EML4: variants seen among roughly 807,000 people sequenced by gnomAD.
EML4 encodes the protein echinoderm microtubule-associated protein-like 4.
In EML4, 72 loss-of-function variants were observed where a neutral mutation model predicts 129.0. The ratio of observed to expected loss-of-function variants is 0.56; its 90% CI spans 0.46 to 0.68. EML4 has a LOEUF of 0.68. Ranked by LOEUF, EML4 falls within the 30% of genes least tolerant of loss-of-function variation. The pLI is 0.00. For missense variants in EML4, 1,363 were observed against 1,190.6 expected (o/e 1.14, Z -2.13); for synonymous variants, 532 against 405.0 (o/e 1.31, Z -3.77).
At chr2:42,248,221 C>G (rs1364664675) in intron 2 of EML4, among the ~76,000 whole-genome samples, 1 of 152,076 alleles carries the variant, frequency 6.6e-6, no homozygotes, top group Non-Finnish European at 1.5e-5. Context: ...AGTGATCTAC[C>G]TTGGTCTCCA....
At chr2:42,203,398 A>T (rs557626448) in intron 1 of EML4, among the ~76,000 whole-genome samples, 3 of 152,308 alleles carry the variant, frequency 2.0e-5, no homozygotes, top group African/African-American at 7.2e-5. Context: ...ATACTCTATG[A>T]TAGAGTTTTT....
chr2:42,292,257 C>G (rs1312083118), intron 11 of EML4, among the ~76,000 whole-genome samples: 1 of 152,196 alleles, frequency 6.6e-6, no homozygotes, highest in Non-Finnish European at 1.5e-5. Flanking sequence ...TAAAGTCGAA[C>G]ATATGCATGC....
intron 6 of EML4, among the ~76,000 whole-genome samples, chr2:42,277,216 A>C (rs1666703878): frequency 2.0e-5 from 3 of 152,234 alleles, no homozygotes; most frequent in Admixed American, 2.0e-4. Flanking sequence ...AAAGGATGAG[A>C]TATCTGCCTT....
rs747219775 is a variant in EML4, at chr2:42,286,394, T to C, written c.1122+15T>C. 21 of 1,479,488 alleles carry C rather than the reference T, an allele frequency of 1.4e-5. No individual in the cohort carries two copies. Among genetic ancestry groups the C allele is most frequent in the South Asian group, 9.0e-5 (8 of 88,426 alleles). The allele number at this position is 1,479,488 out of a possible 1,614,324, so 91.6% of individuals were successfully genotyped here. On this transcript the variant is annotated intron_variant, in intron 10 of 22. Transcript: ENST00000318522. ...TTTCAAAAGCAGTAAGTAACAATTTTTAGAGAAGTAAGCAAGCTGAACAAA... is the reference window on the plus strand; with the variant it reads ...TTTCAAAAGCAGTAAGTAACAATTTCTAGAGAAGTAAGCAAGCTGAACAAA...
rs778995895 is a variant in EML4 at position 42,301,367 on chromosome 2, A to T, written c.1616A>T (p.Asp539Val). Residue 539 changes from aspartate (D) to valine (V), a missense_variant, in exon 14 of 23, where the codon GAT becomes GTT. Physicochemically the swap from Asp to Val is radical, Grantham distance 152. Transcript: ENST00000318522. ...KDRKIILWDHDLNPEREIEVP... is the reference protein window; with the variant it reads ...KDRKIILWDHVLNPEREIEVP... Reference sequence around the variant, plus strand: ...AGAAAAATAATTCTGTGGGATCATGATCTGAATCCTGAAAGAGAAATAGAG... The same window carrying T: ...AGAAAAATAATTCTGTGGGATCATGTTCTGAATCCTGAAAGAGAAATAGAG... The T allele has an allele frequency of 2.7e-5, 44 of 1,612,420 alleles. No individual in the cohort carries two copies. The highest frequency in any genetic ancestry group is 3.6e-5 in the Non-Finnish European group (42 of 1,179,360).
chr2:42,264,115 T>G (rs1299141540), intron 5 of EML4, among the ~76,000 whole-genome samples: 2 of 143,522 alleles, frequency 1.4e-5, no homozygotes, highest in South Asian at 2.3e-4. Flanking sequence ...TTTTTTTTTT[T>G]TTTTTTTTTT....
chr2:42,325,357 C>T (rs2103826794), intron 19 of EML4, 110 bp from the exon 20 acceptor site: 2 of 605,002 alleles, frequency 3.3e-6, no homozygotes, highest in South Asian at 1.5e-5. Context: ...GCTTCCTCTC[C>T]TTTAGAAATT....
At position 42,325,602 on chromosome 2, in the gene EML4, T is replaced by TTATATA. The variant is rs10530482; in HGVS notation, c.2242+80_2242+85dup. 1.3e-3 allele frequency: 167 copies of TTATATA among 129,264 alleles called. 3 individuals are homozygous for TTATATA. The highest frequency in any genetic ancestry group is 2.8e-3 in the African/African-American group (97 of 34,112). The allele number at this position is 129,264 out of a possible 1,614,324, so 8.0% of individuals were successfully genotyped here. ...ATATATATATATGCTATGATTATAT[T>TTATATA]TATATATATATATATATATATATAT... On this transcript the variant is annotated intron_variant, in intron 20 of 22. Transcript: ENST00000318522.
chr2:42,304,586 G>T (rs1668487352), intron 17 of EML4, 35 bp downstream of exon 17: 1 of 1,501,314 alleles, frequency 6.7e-7, no homozygotes. Context: ...AATCTGAAGT[G>T]GTGGGATGTT....
chr2:42,201,129 C>A (rs1276300474), intron 1 of EML4, among the ~76,000 whole-genome samples: 1 of 152,162 alleles, frequency 6.6e-6, no homozygotes, highest in African/African-American at 2.4e-5. Flanking sequence ...TGCTAATTTT[C>A]AAAATGTTTT....
intron 11 of EML4, among the ~76,000 whole-genome samples, chr2:42,292,281 T>C (rs908378580): frequency 6.6e-6 from 1 of 152,212 alleles, no homozygotes; most frequent in Non-Finnish European, 1.5e-5. Flanking sequence ...CTGGCCCAAA[T>C]TGTTCATCTC....
chr2:42,274,047 A>G (rs1666520547), intron 6 of EML4, among the ~76,000 whole-genome samples: 1 of 152,200 alleles, frequency 6.6e-6, no homozygotes, highest in South Asian at 2.1e-4. Context: ...CTACTATAAA[A>G]TTACAGTAAA....
At chr2:42,302,470 A>C (rs796263002) in intron 14 of EML4, among the ~76,000 whole-genome samples, 26 of 152,232 alleles carry the variant, frequency 1.7e-4, no homozygotes, top group African/African-American at 5.8e-4. Context: ...AACTAATATA[A>C]CTAATAAGTA....
At chr2:42,198,344 A>T (rs889382106) in intron 1 of EML4, among the ~76,000 whole-genome samples, 1 of 152,172 alleles carries the variant, frequency 6.6e-6, no homozygotes, top group Non-Finnish European at 1.5e-5. Context: ...TAAAGAAAGT[A>T]ATAGGGGAGA....
At chr2:42,208,808 C>A (rs1174837389) in intron 1 of EML4, among the ~76,000 whole-genome samples, 2 of 118,070 alleles carry the variant, frequency 1.7e-5, no homozygotes, top group Non-Finnish European at 3.6e-5. Flanking sequence ...TTTTTTTTTT[C>A]AGACACAGAA....
chr2:42,279,489 GCT>G (rs1406842907), intron 6 of EML4, among the ~76,000 whole-genome samples: 3 of 146,642 alleles, frequency 2.0e-5, no homozygotes, highest in Non-Finnish European at 4.5e-5. Flanking sequence ...ACGCAGTCTT[GCT>G]CTGTCACCCA....
intron 1 of EML4, among the ~76,000 whole-genome samples, chr2:42,170,766 C>T (rs1389249375): frequency 1.3e-5 from 2 of 152,206 alleles, no homozygotes; most frequent in African/African-American, 2.4e-5. Context: ...TGTATTCAGA[C>T]GCCTTTCTTT....
At chr2:42,195,127 C>T (rs569076183) in intron 1 of EML4, among the ~76,000 whole-genome samples, 3 of 152,044 alleles carry the variant, frequency 2.0e-5, no homozygotes, top group Non-Finnish European at 2.9e-5. Context: ...CCTTCGGGAT[C>T]CAGTTAACTT....
At chr2:42,279,378 C>T (rs2104454343) in intron 6 of EML4, among the ~76,000 whole-genome samples, 1 of 151,882 alleles carries the variant, frequency 6.6e-6, no homozygotes, top group Non-Finnish European at 1.5e-5. Context: ...ATCCTGCTTT[C>T]CATAGCGACT....
Sources: gnomAD v4.1 joint callset for allele counts (sites outside exome capture counted in the v4.1 genomes callset) on GRCh38, gnomAD v4.1.1 for gene constraint, MANE v1.5 for transcripts, NCBI Gene and HGNC (gene_info 2026-07-23, HGNC 2026-07-21) for gene names.